Variants in VPS13B observed in about 807,000 individuals in gnomAD.
VPS13B encodes vacuolar protein sorting 13 homolog B.
Under a neutral mutation model 426.4 loss-of-function variants are expected in VPS13B, and 285 were observed. The observed-to-expected ratio is 0.67, with a 90% CI of 0.61 to 0.74. VPS13B has a LOEUF of 0.74. VPS13B is among the 30% of genes least tolerant of loss of function. The probability of loss-of-function intolerance (pLI) is 0.00; values close to 1 mark genes in which losing one functional copy is unlikely to be tolerated. For synonymous variants in VPS13B, 1,676 were observed against 1,676.4 expected (o/e 1.00, Z 0.01); for missense variants, 4,537 against 4,782.6 (o/e 0.95, Z 1.51).
intron 17 of VPS13B, among the ~76,000 whole-genome samples, chr8:99,209,079 G>A (rs1490211764): frequency 6.6e-6 from 1 of 152,066 alleles, no homozygotes; most frequent in African/African-American, 2.4e-5. Flanking sequence ...GAGAGATCGA[G>A]ACCATCCTGG....
chr8:99,121,713 G>A (rs1847944052), intron 8 of VPS13B: 2 of 742,228 alleles, frequency 2.7e-6, no homozygotes, highest in Non-Finnish European at 1.9e-6. Context: ...TTCAGTTGGT[G>A]TACAAACATG....
At chr8:99,827,758 G>A (rs1814783544) in intron 51 of VPS13B, among the ~76,000 whole-genome samples, 1 of 152,062 alleles carries the variant, frequency 6.6e-6, no homozygotes, top group Admixed American at 6.5e-5. Flanking sequence ...CTTTAGCTGT[G>A]TCTCAGAGAT....
intron 17 of VPS13B, among the ~76,000 whole-genome samples, chr8:99,195,753 A>C (rs6991585): frequency 6.6e-6 from 1 of 152,096 alleles, no homozygotes; most frequent in African/African-American, 2.4e-5. Flanking sequence ...TGTTAGATAA[A>C]GATTCAATCT....
intron 19 of VPS13B, among the ~76,000 whole-genome samples, chr8:99,336,461 C>G (rs1353588340): frequency 6.6e-6 from 1 of 152,120 alleles, no homozygotes; most frequent in Non-Finnish European, 1.5e-5. Flanking sequence ...TGGGCAAGGA[C>G]TTCATGTCTA....
At chr8:99,092,514 A>G (rs939050676) in intron 3 of VPS13B, among the ~76,000 whole-genome samples, 1 of 152,156 alleles carries the variant, frequency 6.6e-6, no homozygotes, top group African/African-American at 2.4e-5. Flanking sequence ...GCAGATGATG[A>G]ATTCAAAACT....
intron 19 of VPS13B, among the ~76,000 whole-genome samples, chr8:99,383,490 CT>C (rs1813943859): frequency 6.6e-6 from 1 of 152,098 alleles, no homozygotes; most frequent in African/African-American, 2.4e-5. Flanking sequence ...ATGTAATTCA[CT>C]TTCTATACAA....
intron 17 of VPS13B, among the ~76,000 whole-genome samples, chr8:99,224,369 T>C (rs534546484): frequency 1.8e-4 from 27 of 152,350 alleles, no homozygotes; most frequent in African/African-American, 6.5e-4. Context: ...ACATGTCATT[T>C]ACCTCATATT....
At chr8:99,507,900 T>G in intron 28 of VPS13B, 1 of 1,614,064 alleles carries the variant, frequency 6.2e-7, no homozygotes, top group African/African-American at 1.3e-5. Context: ...TTGCTCTGGC[T>G]TCTTTCCTTC....
At chr8:99,421,658 G>T (rs1563720875) in intron 21 of VPS13B, among the ~76,000 whole-genome samples, 1 of 151,944 alleles carries the variant, frequency 6.6e-6, no homozygotes, top group South Asian at 2.1e-4. Flanking sequence ...TATATTTCCT[G>T]TCAGGTTGTT....
chr8:99,536,286 T>C (rs1823218810), intron 30 of VPS13B, among the ~76,000 whole-genome samples: 1 of 152,168 alleles, frequency 6.6e-6, no homozygotes, highest in African/African-American at 2.4e-5. Context: ...TTTTAGACTT[T>C]AGTTTTAAAC....
At chr8:99,567,135 CCT>C (rs1825228842) in intron 31 of VPS13B, among the ~76,000 whole-genome samples, 1 of 152,170 alleles carries the variant, frequency 6.6e-6, no homozygotes, top group Non-Finnish European at 1.5e-5. Flanking sequence ...CTATCTAAAT[CCT>C]CAACACAGTT....
chr8:99,864,772 C>A (rs923880502), intron 58 of VPS13B, among the ~76,000 whole-genome samples: 1 of 152,188 alleles, frequency 6.6e-6, no homozygotes, highest in African/African-American at 2.4e-5. Flanking sequence ...AGCTTCACAA[C>A]TTTGGATGAG....
At chr8:99,218,149 G>A (rs1471960732) in intron 17 of VPS13B, among the ~76,000 whole-genome samples, 4 of 152,166 alleles carry the variant, frequency 2.6e-5, no homozygotes, top group African/African-American at 9.7e-5. Context: ...TATCCCAGGA[G>A]TTGGCAAACT....
intron 19 of VPS13B, among the ~76,000 whole-genome samples, chr8:99,286,545 C>T (rs2133034234): frequency 6.6e-6 from 1 of 152,234 alleles, no homozygotes; most frequent in Middle Eastern, 3.4e-3. Context: ...TGAACTTCTA[C>T]CTGACAGAAT....
chr8:99,236,864 G>A (rs1390033573), intron 17 of VPS13B, among the ~76,000 whole-genome samples: 1 of 152,172 alleles, frequency 6.6e-6, no homozygotes, highest in African/African-American at 2.4e-5. Context: ...TAGATATAAA[G>A]TAGTTTCAAA....
chr8:99,568,284 A>ATTT (rs1563800927), intron 31 of VPS13B, among the ~76,000 whole-genome samples: 2 of 147,908 alleles, frequency 1.4e-5, no homozygotes, highest in Non-Finnish European at 1.5e-5. Context: ...AACTATTATT[A>ATTT]TTATTATTAT....
intron 22 of VPS13B, among the ~76,000 whole-genome samples, chr8:99,437,713 G>A (rs1817463179): frequency 6.6e-6 from 1 of 151,950 alleles, no homozygotes; most frequent in African/African-American, 2.4e-5. Flanking sequence ...GCAAAACTCT[G>A]TCTCAAAAAT....
intron 57 of VPS13B, 61 bp downstream of exon 57, chr8:99,859,541 A>G: frequency 2.6e-6 from 4 of 1,567,654 alleles, no homozygotes; most frequent in Non-Finnish European, 2.6e-6. Context: ...TTTTTTTTAA[A>G]GAATGTGCTA....
chr8:99,500,740 C>T lies in VPS13B; in HGVS notation c.3871-947C>T, dbSNP rs532650317. ...GCAAGTTTTGTTTGCAAGGTTTAAACGGACAGCAAAGTTTGGGATTTTAGG... is the reference window on the plus strand; with the variant it reads ...GCAAGTTTTGTTTGCAAGGTTTAAATGGACAGCAAAGTTTGGGATTTTAGG... On this transcript the variant is annotated intron_variant, in intron 25 of 61. Coordinates refer to ENST00000357162, the MANE Select transcript of VPS13B (RefSeq NM_152564.5). Among the ~76,000 whole-genome samples, 36 of 152,240 alleles carry T rather than the reference C, an allele frequency of 2.4e-4. No homozygotes were observed. In the South Asian group the frequency reaches 2.5e-3, roughly 11 times the overall value.
Sources: gnomAD v4.1 joint callset for allele counts (sites outside exome capture counted in the v4.1 genomes callset) on GRCh38, gnomAD v4.1.1 for gene constraint, MANE v1.5 for transcripts, NCBI Gene and HGNC (gene_info 2026-07-23, HGNC 2026-07-21) for gene names.